The following SMCHD1 variants were observed in gnomAD, a reference collection of about 807,000 sequenced individuals.
SMCHD1 encodes the protein structural maintenance of chromosomes flexible hinge domain-containing protein 1.
In SMCHD1, 78 loss-of-function variants were observed where a neutral mutation model predicts 254.7. The observed-to-expected ratio is 0.31, with a 90% confidence interval of 0.26 to 0.37. SMCHD1 has a LOEUF of 0.37. Among genes scored for constraint, SMCHD1 ranks in the 10% least tolerant of loss-of-function variants. The pLI is 1.00. For synonymous variants in SMCHD1, 766 were observed against 794.9 expected (o/e 0.96, Z 0.61); for missense variants, 1,840 against 2,408.1 (o/e 0.76, Z 4.94).
intron 12 of SMCHD1, among the ~76,000 whole-genome samples, chr18:2,701,840 A>G (rs1007567693): frequency 6.6e-6 from 1 of 152,174 alleles, no homozygotes; most frequent in African/African-American, 2.4e-5. Context: ...TGATTTTATT[A>G]TCAATTTATT....
At chr18:2,673,692 A>T (rs565477501) in intron 4 of SMCHD1, among the ~76,000 whole-genome samples, 9 of 152,264 alleles carry the variant, frequency 5.9e-5, no homozygotes, top group Admixed American at 5.9e-4. Flanking sequence ...CTGTTGTTGA[A>T]CATTTAGATT....
At chr18:2,662,574 G>A (rs1027484011) in intron 1 of SMCHD1, among the ~76,000 whole-genome samples, 30 of 151,100 alleles carry the variant, frequency 2.0e-4, no homozygotes, top group Admixed American at 8.6e-4. Flanking sequence ...GAACCCGGGC[G>A]GCGGAGCTTG....
At chr18:2,776,023 A>C in intron 42 of SMCHD1, 99 bp downstream of exon 42, 1 of 1,061,376 alleles carries the variant, frequency 9.4e-7, no homozygotes, top group Non-Finnish European at 1.3e-6. Context: ...GATACCTAAA[A>C]CAGAGAATTG....
chr18:2,709,349 C>T (rs977223337), intron 17 of SMCHD1, among the ~76,000 whole-genome samples: 8 of 151,918 alleles, frequency 5.3e-5, no homozygotes, highest in African/African-American at 1.9e-4. Context: ...AAGAATGCTC[C>T]TGTGAACATC....
rs539190209 is a variant in SMCHD1, at chr18:2,656,328, A to C, written c.186+67A>C. 5 of 1,328,636 alleles carry C rather than the reference A, an allele frequency of 3.8e-6. No homozygotes were observed. In the African/African-American group the frequency reaches 6.1e-5, roughly 16 times the overall value. The allele number at this position is 1,328,636 out of a possible 1,614,324, so 82.3% of individuals were successfully genotyped here. ...GGGCGGGAGGGTGATGAGAAACTCA[A>C]CTTGCTCACTGAGGGCAATAAACCT... On this transcript the variant is annotated intron_variant, in intron 1 of 47. Transcript: ENST00000320876.
At chr18:2,742,570 G>A (rs1328816879) in intron 28 of SMCHD1, among the ~76,000 whole-genome samples, 3 of 151,956 alleles carry the variant, frequency 2.0e-5, no homozygotes, top group Non-Finnish European at 2.9e-5. Context: ...TGGGCTTTTC[G>A]GAGAGATTAA....
intron 39 of SMCHD1, among the ~76,000 whole-genome samples, chr18:2,770,766 A>C (rs928658335): frequency 6.6e-6 from 1 of 152,174 alleles, no homozygotes; most frequent in Middle Eastern, 3.4e-3. Flanking sequence ...GATTACAGGC[A>C]CATGCCACCA....
chr18:2,662,200 T>TAAAG (rs142598745), intron 1 of SMCHD1, among the ~76,000 whole-genome samples: 1,498 of 106,624 alleles, frequency 0.014, 79 homozygotes, highest in Admixed American at 0.018. Context: ...AATAAATAAA[T>TAAAG]AAAGAAAGAA....
At position 2,747,657 on chromosome 18, in the gene SMCHD1, A is replaced by G. The variant is rs1292293002; in HGVS notation, c.3927+10A>G. On this transcript the variant is annotated intron_variant, in intron 30 of 47. Coordinates refer to ENST00000320876, the MANE Select transcript of SMCHD1 (RefSeq NM_015295.3). ...AGCTAGCAATTTAAAGGTAAGTTTT[A>G]AACTTCCTTACATCTTCATTTAAAA... 1 of 1,550,442 alleles carries G rather than the reference A, an allele frequency of 6.4e-7. No individual in the cohort carries two copies. Among genetic ancestry groups the G allele is most frequent in the Admixed American group, 2.0e-5 (1 of 51,132 alleles).
At chr18:2,738,625 A>G in intron 26 of SMCHD1, 80 bp downstream of exon 26, 1 of 1,175,004 alleles carries the variant, frequency 8.5e-7, no homozygotes. Context: ...GTTGTTTTTA[A>G]TGTAAAAATA....
intron 45 of SMCHD1, among the ~76,000 whole-genome samples, chr18:2,785,933 C>T (rs1482790699): frequency 1.3e-5 from 2 of 152,158 alleles, no homozygotes; most frequent in Non-Finnish European, 2.9e-5. Flanking sequence ...GTTAGAATGT[C>T]CTTCCTTTGT....
At chr18:2,678,597 G>A (rs1005405405) in intron 5 of SMCHD1, among the ~76,000 whole-genome samples, 5 of 151,912 alleles carry the variant, frequency 3.3e-5, no homozygotes, top group Non-Finnish European at 7.4e-5. Context: ...GATTACAGGC[G>A]TGAGCCCCAC....
intron 45 of SMCHD1, among the ~76,000 whole-genome samples, chr18:2,789,871 G>A (rs906307465): frequency 7.9e-5 from 12 of 152,172 alleles, no homozygotes; most frequent in African/African-American, 2.9e-4. Flanking sequence ...AATGTAGACA[G>A]AAGAGAAAAA....
intron 26 of SMCHD1, among the ~76,000 whole-genome samples, chr18:2,738,829 A>G (rs925416637): frequency 1.3e-5 from 2 of 152,208 alleles, no homozygotes; most frequent in Non-Finnish European, 2.9e-5. Flanking sequence ...AATACAAAAG[A>G]TACAGTGTGA....
At chr18:2,681,862 G>A (rs369561723) in intron 5 of SMCHD1, among the ~76,000 whole-genome samples, 1 of 152,112 alleles carries the variant, frequency 6.6e-6, no homozygotes, top group Non-Finnish European at 1.5e-5. Flanking sequence ...GTTGAAATAT[G>A]AATAAGTAAA....
At chr18:2,760,212 T>C (rs114547330) in intron 34 of SMCHD1, among the ~76,000 whole-genome samples, 2,729 of 152,322 alleles carry the variant, frequency 0.018, 40 homozygotes, top group Middle Eastern at 0.1. Flanking sequence ...AGTAAATACC[T>C]TGTATGTGTA....
At chr18:2,767,411 A>G (rs529396872) in intron 37 of SMCHD1, among the ~76,000 whole-genome samples, 1 of 152,242 alleles carries the variant, frequency 6.6e-6, no homozygotes, top group East Asian at 1.9e-4. Context: ...GTAGTAAATT[A>G]AGGAGAAATA....
chr18:2,704,829 G>C (rs1003668268), intron 13 of SMCHD1, among the ~76,000 whole-genome samples: 2 of 152,068 alleles, frequency 1.3e-5, no homozygotes, highest in Non-Finnish European at 2.9e-5. Flanking sequence ...TCTATACTTG[G>C]TGAGTATAGC....
At chr18:2,668,579 T>C (rs974941981) in intron 3 of SMCHD1, among the ~76,000 whole-genome samples, 1 of 152,160 alleles carries the variant, frequency 6.6e-6, no homozygotes, top group Non-Finnish European at 1.5e-5. Flanking sequence ...ACAAAAAAGC[T>C]CTTCTCCCAT....
Sources: gnomAD v4.1 joint callset for allele counts (sites outside exome capture counted in the v4.1 genomes callset) on GRCh38, gnomAD v4.1.1 for gene constraint, MANE v1.5 for transcripts, NCBI Gene and HGNC (gene_info 2026-07-23, HGNC 2026-07-21) for gene names.